Variants in ZSCAN5A observed in about 807,000 individuals in gnomAD.
ZSCAN5A encodes the protein zinc finger and SCAN domain-containing protein 5A.
A neutral mutation model predicts 23.7 loss-of-function variants in ZSCAN5A; 12 were observed. The observed-to-expected ratio is 0.51, with a 90% CI of 0.32 to 0.82. ZSCAN5A has a LOEUF of 0.82. Among genes scored for constraint, ZSCAN5A ranks in the 40% least tolerant of loss-of-function variants. The probability of loss-of-function intolerance (pLI) is 0.03; values close to 1 mark genes in which losing one functional copy is unlikely to be tolerated. For synonymous variants in ZSCAN5A, 257 were observed against 239.9 expected, an observed-to-expected ratio of 1.07 and a Z score of -0.66; for missense variants, 597 against 617.9, an observed-to-expected ratio of 0.97 and a Z score of 0.36.
chr19:56,297,659 A>T, intron 2 of ZSCAN5A: 3 of 414,288 alleles, frequency 7.2e-6, no homozygotes, highest in Non-Finnish European at 9.7e-6. Flanking sequence ...GGTACCTGAG[A>T]GGCTGCCTTC....
At chr19:56,329,684 A>G (rs2041471719) in intron 2 of ZSCAN5A, among the ~76,000 whole-genome samples, 1 of 152,150 alleles carries the variant, frequency 6.6e-6, no homozygotes, top group East Asian at 1.9e-4. Flanking sequence ...ATACAATTTA[A>G]AAAACATAAA....
chr19:56,292,695 A>G (rs2039600604), intron 2 of ZSCAN5A, among the ~76,000 whole-genome samples: 1 of 152,120 alleles, frequency 6.6e-6, no homozygotes, highest in Non-Finnish European at 1.5e-5. Flanking sequence ...CCAAAAAAAA[A>G]GTACCCATTA....
At chr19:56,320,139 G>C (rs7245993) in intron 2 of ZSCAN5A, 5 of 749,506 alleles carry the variant, frequency 6.7e-6, no homozygotes, top group Non-Finnish European at 1.3e-5. Context: ...TCTGATCAAA[G>C]TTTAGTCTGT....
intron 2 of ZSCAN5A, chr19:56,247,102 C>A: frequency 1.4e-6 from 1 of 705,594 alleles, no homozygotes. Context: ...TAATTCCAAG[C>A]TAGCCATCCA....
At position 56,222,319 on chromosome 19, in the gene ZSCAN5A, C is replaced by T. The variant is rs1343686122; in HGVS notation, c.747G>A (p.Leu249=). ...EPQLPKSPTD[L]VRAKEGKDPP... is the part of the protein sequence containing the mutation. Reference sequence around the variant, plus strand: ...GGTCCTTCCCCTCCTTTGCTCTCACCAGATCTGCTGGAAGAAGGGATTCCA... The same window carrying T: ...GGTCCTTCCCCTCCTTTGCTCTCACTAGATCTGCTGGAAGAAGGGATTCCA... The change falls in exon 6 of 6, where the codon CTG becomes CTA. Residue 249 remains leucine (L), a synonymous_variant. Coordinates refer to ENST00000683990, the MANE Select transcript of ZSCAN5A (RefSeq NM_001322064.3). The T allele has an allele frequency of 3.1e-6, 5 of 1,610,876 alleles. No homozygotes were observed. The highest frequency in any genetic ancestry group is 4.2e-6 in the Non-Finnish European group (5 of 1,179,636).
intron 2 of ZSCAN5A, chr19:56,294,980 G>T (rs933113590): frequency 6.6e-6 from 1 of 152,240 alleles, no homozygotes; most frequent in African/African-American, 2.4e-5. Context: ...GCGGGAGAGG[G>T]GGGTGAGCCC....
chr19:56,361,214 GGC>G (rs1183754922), intron 2 of ZSCAN5A, among the ~76,000 whole-genome samples: 2 of 152,226 alleles, frequency 1.3e-5, no homozygotes, highest in Non-Finnish European at 2.9e-5. Context: ...AACAGATGCT[GGC>G]GAGGTTGCAG....
chr19:56,322,431 AC>A, intron 2 of ZSCAN5A: 1 of 593,022 alleles, frequency 1.7e-6, no homozygotes, highest in Non-Finnish European at 3.0e-6. Context: ...CGACCCCGCA[AC>A]CCCACCATCA....
chr19:56,334,169 G>C (rs1403388416), intron 2 of ZSCAN5A, among the ~76,000 whole-genome samples: 1 of 152,194 alleles, frequency 6.6e-6, no homozygotes, highest in Non-Finnish European at 1.5e-5. Flanking sequence ...CCAGAGGTGT[G>C]ACTAGCCATG....
intron 1 of ZSCAN5A, chr19:56,314,345 TG>T (rs1321265387): frequency 2.0e-5 from 3 of 152,140 alleles, no homozygotes; most frequent in African/African-American, 7.2e-5. Context: ...AAAGGAAGTC[TG>T]GGTTTCCAAT....
In ZSCAN5A at chr19:56,223,796, C is replaced by T. The variant is rs2033591566; in HGVS notation, c.423G>A (p.Gln141=). The T allele has an allele frequency of 6.2e-7, 1 of 1,613,792 alleles. No individual in the cohort carries two copies. The highest frequency in any genetic ancestry group is 8.5e-7 in the Non-Finnish European group (1 of 1,180,042). ...CTTCAGCCATCTCGATATCTGAGTC[C>T]TGCACAATATATTCCTTTCCGTGGA... The part of the protein sequence containing the change: ...VTFHGKEYIV[Q]DSDIEMAEAP... Residue 141 remains glutamine (Q), a synonymous_variant, in exon 4 of 6, where the codon CAG becomes CAA. Coordinates refer to ENST00000683990, the MANE Select transcript of ZSCAN5A (RefSeq NM_001322064.3).
At chr19:56,232,835 G>C (rs1391109300) in intron 2 of ZSCAN5A, among the ~76,000 whole-genome samples, 1 of 151,948 alleles carries the variant, frequency 6.6e-6, no homozygotes, top group Non-Finnish European at 1.5e-5. Context: ...TGCACCACCA[G>C]GCCTGGCTAA....
At chr19:56,357,088 T>G (rs2041704473) in intron 2 of ZSCAN5A, among the ~76,000 whole-genome samples, 1 of 148,864 alleles carries the variant, frequency 6.7e-6, no homozygotes, top group Non-Finnish European at 1.5e-5. Context: ...CTCCATTTTT[T>G]GGATGAGAAG....
intron 2 of ZSCAN5A, among the ~76,000 whole-genome samples, chr19:56,345,551 G>T (rs1369568572): frequency 6.6e-6 from 1 of 152,132 alleles, no homozygotes; most frequent in African/African-American, 2.4e-5. Flanking sequence ...ATAAAGTATG[G>T]AAAGAAAGAG....
In ZSCAN5A at chr19:56,245,299, C is replaced by T. The variant is rs369687603; in HGVS notation, c.-127-20126G>A. Reference sequence around the variant, plus strand: ...AGATGGCTGAAATCCCTGCCAGTGTCAGAGATGATCCGAGAGGCGTGTCCA... The same window carrying T: ...AGATGGCTGAAATCCCTGCCAGTGTTAGAGATGATCCGAGAGGCGTGTCCA... On this transcript the variant is annotated intron_variant, in intron 2 of 5. Coordinates refer to ENST00000683990, the MANE Select transcript of ZSCAN5A (RefSeq NM_001322064.3). 37 of 734,986 alleles carry T rather than the reference C, an allele frequency of 5.0e-5. 1 individual carries two copies. In the African/African-American group the frequency reaches 6.3e-4, roughly 12 times the overall value. 45.5% of individuals were successfully genotyped at this position (734,986 alleles called of 1,614,324 possible). A position where few individuals can be genotyped will look rare whatever the true frequency, so the allele number is the denominator to read the frequency against.
At chr19:56,318,142 G>C (rs2041337051), upstream of ZSCAN5A, 1 of 152,112 alleles carries the variant, frequency 6.6e-6, no homozygotes, top group Admixed American at 6.6e-5. Flanking sequence ...TGTGAGAGTT[G>C]TGTGTGTGAG....
At chr19:56,264,111 AG>A (rs2037307388) in intron 2 of ZSCAN5A, among the ~76,000 whole-genome samples, 1 of 151,940 alleles carries the variant, frequency 6.6e-6, no homozygotes, top group Non-Finnish European at 1.5e-5. Context: ...CTCCTGCCTC[AG>A]CCTCCTGAGT....
chr19:56,291,861 G>A (rs898531567), intron 2 of ZSCAN5A, among the ~76,000 whole-genome samples: 1 of 152,176 alleles, frequency 6.6e-6, no homozygotes, highest in East Asian at 1.9e-4. Flanking sequence ...ATGCCATGAT[G>A]AGGATGGTGA....
At chr19:56,269,371 G>A (rs899276553) in intron 2 of ZSCAN5A, among the ~76,000 whole-genome samples, 7 of 152,160 alleles carry the variant, frequency 4.6e-5, no homozygotes, top group Non-Finnish European at 7.3e-5. Context: ...AGGAAACCGA[G>A]GCTCAGGGAT....
Sources: gnomAD v4.1 joint callset for allele counts (sites outside exome capture counted in the v4.1 genomes callset) on GRCh38, gnomAD v4.1.1 for gene constraint, MANE v1.5 for transcripts, NCBI Gene and HGNC (gene_info 2026-07-23, HGNC 2026-07-21) for gene names.